DOCK1: variants seen among roughly 807,000 people sequenced by gnomAD.
DOCK1 encodes the protein dedicator of cytokinesis protein 1.
A neutral mutation model predicts 262.7 loss-of-function variants in DOCK1; 138 were observed. The ratio of observed to expected loss-of-function variants is 0.53; its 90% CI spans 0.46 to 0.61. The LOEUF is 0.61. Among genes scored for constraint, DOCK1 ranks in the 20% least tolerant of loss-of-function variants. The probability of loss-of-function intolerance (pLI) is 0.00; values close to 1 mark genes in which losing one functional copy is unlikely to be tolerated. For synonymous variants in DOCK1, 866 were observed against 867.4 expected (o/e 1.00, Z 0.03); for missense variants, 1,908 against 2,370.7 (o/e 0.80, Z 4.05).
intron 29 of DOCK1, among the ~76,000 whole-genome samples, chr10:127,315,491 G>C (rs533686411): frequency 1.6e-3 from 251 of 152,246 alleles, no homozygotes; most frequent in African/African-American, 5.8e-3. Flanking sequence ...CAGCCAAGGA[G>C]AGAGGCCTCA....
chr10:127,220,694 G>A (rs917435180), intron 27 of DOCK1, among the ~76,000 whole-genome samples: 2 of 152,166 alleles, frequency 1.3e-5, no homozygotes, highest in African/African-American at 4.8e-5. Context: ...GGAGGGCGGA[G>A]GGTGGAGATT....
chr10:126,991,892 G>A (rs908657707), intron 6 of DOCK1, among the ~76,000 whole-genome samples: 1 of 152,112 alleles, frequency 6.6e-6, no homozygotes, highest in Non-Finnish European at 1.5e-5. Flanking sequence ...AAAACTTCTG[G>A]TTTAATTCAA....
At chr10:127,070,933 C>G (rs2046193098) in intron 23 of DOCK1, among the ~76,000 whole-genome samples, 1 of 151,904 alleles carries the variant, frequency 6.6e-6, no homozygotes, top group African/African-American at 2.4e-5. Flanking sequence ...GGGTAGGGCA[C>G]CTGGTCTCAG....
In DOCK1 at chr10:127,110,240, C is replaced by A; in HGVS notation, c.2517-8C>A. 6.2e-7 allele frequency: 1 copy of A among 1,608,506 alleles called. No homozygotes were observed. The highest frequency in any genetic ancestry group is 1.7e-5 in the Admixed American group (1 of 59,458). The stretch of plus-strand genomic sequence containing the variant: ...TCAAAATTATTTCCCTTGTGTTTTT[C>A]CTCACAGCAAAATGTTTACTGAATT... On this transcript the variant is annotated splice_polypyrimidine_tract_variant and splice_region_variant and intron_variant, in intron 24 of 51. Transcript: ENST00000623213.
intron 23 of DOCK1, among the ~76,000 whole-genome samples, chr10:127,074,016 C>A (rs112463769): frequency 6.6e-6 from 1 of 151,988 alleles, no homozygotes; most frequent in Non-Finnish European, 1.5e-5. Flanking sequence ...TCCCAGGAAA[C>A]GTTTTATTGA....
intron 1 of DOCK1, among the ~76,000 whole-genome samples, chr10:126,941,465 A>G: frequency 6.6e-6 from 1 of 152,366 alleles, no homozygotes; most frequent in Non-Finnish European, 1.5e-5. Flanking sequence ...GCAGTTAAAC[A>G]GCATCTGTGG....
intron 27 of DOCK1, among the ~76,000 whole-genome samples, chr10:127,182,060 T>C (rs1281825780): frequency 6.6e-6 from 1 of 152,096 alleles, no homozygotes; most frequent in Non-Finnish European, 1.5e-5. Flanking sequence ...GAGCAATGCG[T>C]GAGGAACTGT....
chr10:127,378,289 A>C (rs1470514624), intron 35 of DOCK1, among the ~76,000 whole-genome samples: 1 of 152,222 alleles, frequency 6.6e-6, no homozygotes, highest in Non-Finnish European at 1.5e-5. Flanking sequence ...TATAATGCAG[A>C]TGTCTGCGTT....
intron 1 of DOCK1, among the ~76,000 whole-genome samples, chr10:126,933,411 G>C (rs1358358448): frequency 6.6e-6 from 1 of 152,082 alleles, no homozygotes; most frequent in African/African-American, 2.4e-5. Context: ...AGCCAGCCTG[G>C]GCCCTTCGGT....
chr10:127,306,900 C>T (rs914386255), intron 29 of DOCK1, among the ~76,000 whole-genome samples: 1 of 152,080 alleles, frequency 6.6e-6, no homozygotes, highest in African/African-American at 2.4e-5. Flanking sequence ...AAGAAAAATA[C>T]TTACATGTAT....
intron 25 of DOCK1, among the ~76,000 whole-genome samples, chr10:127,121,455 A>ATGTGTGTG (rs59477974): frequency 0.055 from 8,180 of 148,314 alleles, 541 homozygotes; most frequent in African/African-American, 0.16. Context: ...GTATATGTAT[A>ATGTGTGTG]TGTGTGTGTG....
chr10:126,916,608 A>G (rs143581052), intron 1 of DOCK1, among the ~76,000 whole-genome samples: 1 of 152,204 alleles, frequency 6.6e-6, no homozygotes, highest in Non-Finnish European at 1.5e-5. Flanking sequence ...CTCTGCCTCG[A>G]AATAACTCAT....
chr10:126,968,083 A>T (rs995210350), intron 1 of DOCK1, among the ~76,000 whole-genome samples: 1 of 151,864 alleles, frequency 6.6e-6, no homozygotes, highest in Non-Finnish European at 1.5e-5. Flanking sequence ...CCCAAAAGTA[A>T]TCCCCCCAAA....
At chr10:127,170,361 A>G (rs1212151664) in intron 27 of DOCK1, among the ~76,000 whole-genome samples, 1 of 152,192 alleles carries the variant, frequency 6.6e-6, no homozygotes, top group Non-Finnish European at 1.5e-5. Flanking sequence ...GCCTGCAGGT[A>G]ACACCCAGCA....
At chr10:127,134,090 C>G (rs1342628590) in intron 27 of DOCK1, among the ~76,000 whole-genome samples, 1 of 152,236 alleles carries the variant, frequency 6.6e-6, no homozygotes, top group Non-Finnish European at 1.5e-5. Flanking sequence ...CATGGTGTTA[C>G]TAACACCATG....
intron 23 of DOCK1, among the ~76,000 whole-genome samples, chr10:127,072,602 G>A (rs369827834): frequency 6.6e-6 from 1 of 152,192 alleles, no homozygotes; most frequent in Admixed American, 6.5e-5. Context: ...ATGTAATACA[G>A]CAGAGGAAAA....
chr10:127,413,484 G>A (rs939804268), intron 43 of DOCK1, among the ~76,000 whole-genome samples: 6 of 152,256 alleles, frequency 3.9e-5, no homozygotes, highest in African/African-American at 1.2e-4. Context: ...CTGGCTCCAA[G>A]TGCAGGGGGC....
At chr10:127,006,644 C>T (rs544041346) in intron 10 of DOCK1, among the ~76,000 whole-genome samples, 1 of 152,202 alleles carries the variant, frequency 6.6e-6, no homozygotes, top group Non-Finnish European at 1.5e-5. Context: ...GCCTTCTCCT[C>T]GAGGCTCAGG....
At chr10:127,248,331 CAG>C (rs1381564441) in intron 28 of DOCK1, among the ~76,000 whole-genome samples, 2 of 152,146 alleles carry the variant, frequency 1.3e-5, no homozygotes, top group Admixed American at 1.3e-4. Flanking sequence ...GAGAATGACT[CAG>C]GGGCTGAGCC....
Sources: gnomAD v4.1 joint callset for allele counts (sites outside exome capture counted in the v4.1 genomes callset) on GRCh38, gnomAD v4.1.1 for gene constraint, MANE v1.5 for transcripts, NCBI Gene and HGNC (gene_info 2026-07-23, HGNC 2026-07-21) for gene names.